Variants in CFAP119 observed in about 807,000 individuals in gnomAD.
The protein encoded by CFAP119 is cilia and flagella associated protein 119, also known as cilia- and flagella-associated protein 119.
the CFAP119 span, chr16:30,761,402 C>G: frequency 7.3e-7 from 1 of 1,378,920 alleles, no homozygotes; most frequent in Non-Finnish European, 1.0e-6. Context: ...GCACAGTAAC[C>G]ACCGGGGTCA....
the CFAP119 span, chr16:30,761,038 TG>T: frequency 1.4e-6 from 1 of 739,036 alleles, no homozygotes; most frequent in Non-Finnish European, 2.2e-6. Flanking sequence ...CTCTTTGGAC[TG>T]GAGAGGCTGG....
the CFAP119 span, chr16:30,758,481 A>T: frequency 5.6e-6 from 1 of 179,586 alleles, no homozygotes; most frequent in East Asian, 1.6e-4. Context: ...TCAACCCATC[A>T]TATAGGTTTT....
At chr16:30,761,419 C>G in the CFAP119 span, 2 of 1,425,342 alleles carry the variant, frequency 1.4e-6, no homozygotes, top group Non-Finnish European at 1.9e-6. Flanking sequence ...GTCACACACC[C>G]CTGCCTCTCC....
chr16:30,760,403 T>TC, the CFAP119 span: 3 of 1,613,994 alleles, frequency 1.9e-6, no homozygotes, highest in Non-Finnish European at 2.5e-6. Flanking sequence ...GGTGATGGCG[T>TC]CCCTCAGGCT....
chr16:30,757,655 C>T, the CFAP119 span: 14 of 1,609,438 alleles, frequency 8.7e-6, no homozygotes, highest in Non-Finnish European at 1.1e-5. Flanking sequence ...TGGATGTGGC[C>T]TGCAGGGGCA....
At chr16:30,761,899 G>C in the CFAP119 span, 1 of 761,324 alleles carries the variant, frequency 1.3e-6, no homozygotes, top group Non-Finnish European at 2.0e-6. Context: ...GCGAATCCGT[G>C]GGGGCGTCTC....
chr16:30,761,629 C>A, the CFAP119 span: 1 of 1,536,108 alleles, frequency 6.5e-7, no homozygotes, highest in African/African-American at 1.4e-5. Context: ...CACGCGTCCG[C>A]GCGGCCGACC....
chr16:30,759,728 G>A, the CFAP119 span: 6 of 1,605,076 alleles, frequency 3.7e-6, no homozygotes, highest in East Asian at 2.2e-5. Context: ...GGGGTTGCTG[G>A]TAGGGAAAGC....
At chr16:30,760,188 G>A in the CFAP119 span, 6 of 1,606,382 alleles carry the variant, frequency 3.7e-6, no homozygotes, top group Non-Finnish European at 5.1e-6. Context: ...ACATATTCCA[G>A]GCAGAAATCC....
the CFAP119 span, chr16:30,757,718 C>T: frequency 6.5e-7 from 1 of 1,528,480 alleles, no homozygotes; most frequent in Admixed American, 2.1e-5. Flanking sequence ...GGGGGATGGT[C>T]CCTAGTTGGG....
At chr16:30,761,811 A>G in the CFAP119 span, 2 of 1,418,966 alleles carry the variant, frequency 1.4e-6, no homozygotes, top group Non-Finnish European at 1.9e-6. Context: ...CAGGACAGCC[A>G]GCGCTCGGTC....
the CFAP119 span, chr16:30,761,431 CG>C: frequency 6.8e-7 from 1 of 1,469,994 alleles, no homozygotes; most frequent in Non-Finnish European, 9.3e-7. Context: ...TGCCTCTCCT[CG>C]CCCAAGCAGC....
At chr16:30,758,739 G>C in the CFAP119 span, 1 of 475,296 alleles carries the variant, frequency 2.1e-6, no homozygotes. Flanking sequence ...TATTTTAGTA[G>C]ATAGGGGGTT....
the CFAP119 span, chr16:30,757,966 T>A: frequency 4.8e-6 from 2 of 418,238 alleles, no homozygotes; most frequent in Non-Finnish European, 3.8e-6. Flanking sequence ...GCACATAGGA[T>A]TGAGGGAGGA....
At chr16:30,757,895 C>G in the CFAP119 span, 1 of 1,169,604 alleles carries the variant, frequency 8.5e-7, no homozygotes, top group Non-Finnish European at 1.1e-6. Context: ...TGACCTTAGG[C>G]AGGTTATTTA....
the CFAP119 span, chr16:30,759,688 T>A: frequency 6.2e-7 from 1 of 1,613,794 alleles, no homozygotes; most frequent in Non-Finnish European, 8.5e-7. Context: ...ACTGGTGAAG[T>A]AGCGGTAGCA....
At chr16:30,760,235 C>T in the CFAP119 span, 24 of 1,613,402 alleles carry the variant, frequency 1.5e-5, no homozygotes, top group Middle Eastern at 1.6e-4. Flanking sequence ...GTGCCAGGCC[C>T]GGTTCCTCTT....
chr16:30,761,147 G>A, the CFAP119 span: 6 of 1,598,212 alleles, frequency 3.8e-6, no homozygotes, highest in East Asian at 2.2e-5. Flanking sequence ...CTGTTGGGGA[G>A]ACAATAAAGA....
the CFAP119 span, chr16:30,759,951 T>C: frequency 6.9e-7 from 1 of 1,444,300 alleles, no homozygotes; most frequent in Non-Finnish European, 9.1e-7. Flanking sequence ...ACGAAGCTTA[T>C]ATTCTAGGGG....
Sources: allele counts gnomAD v4.1 joint callset, GRCh38; gene constraint gnomAD v4.1.1; transcripts MANE v1.5; gene names NCBI Gene and HGNC (gene_info 2026-07-23, HGNC 2026-07-21).